The following KDM4D variants were observed in gnomAD, a reference collection of about 807,000 sequenced individuals.
KDM4D encodes lysine-specific demethylase 4D.
For missense variants in KDM4D, 427 were observed against 674.8 expected (o/e 0.63, Z 4.07); for synonymous variants, 254 against 249.1 (o/e 1.02, Z -0.19).
rs1857772393 is a variant in KDM4D at position 94,973,941 on chromosome 11, T to C, written c.-572T>C. The C allele has an allele frequency of 6.6e-6, 1 of 152,256 alleles. No individual in the cohort carries two copies. The highest frequency in any genetic ancestry group is 6.5e-5 in the Admixed American group (1 of 15,292). 9.4% of individuals were successfully genotyped at this position (152,256 alleles called of 1,614,324 possible). On this transcript the variant is annotated 5_prime_UTR_variant, in exon 1 of 3. Coordinates refer to ENST00000335080, the MANE Select transcript of KDM4D (RefSeq NM_018039.3). ...ACTGTTTAAATCCAACGACTCCTGCTTCCATCCTTTCTCCTGAGCTAGAAC... is the reference window on the plus strand; with the variant it reads ...ACTGTTTAAATCCAACGACTCCTGCCTCCATCCTTTCTCCTGAGCTAGAAC...
chr11:94,988,846 G>T (rs1325852562), intron 2 of KDM4D, among the ~76,000 whole-genome samples: 1 of 152,170 alleles, frequency 6.6e-6, no homozygotes, highest in Non-Finnish European at 1.5e-5. Context: ...AAGGAGACTT[G>T]AGATGGGGGG....
At chr11:94,995,023 G>A (rs587738377) in intron 2 of KDM4D, among the ~76,000 whole-genome samples, 2 of 152,126 alleles carry the variant, frequency 1.3e-5, no homozygotes, top group Non-Finnish European at 2.9e-5. Context: ...GAAACATGGG[G>A]TGTAATCAAT....
chr11:94,996,060 T>G (rs1857973382), intron 2 of KDM4D, among the ~76,000 whole-genome samples: 1 of 152,214 alleles, frequency 6.6e-6, no homozygotes, highest in Admixed American at 6.5e-5. Context: ...TCTTTATTCT[T>G]TGTTAGTTCC....
chr11:94,988,574 G>A lies in KDM4D; in HGVS notation c.-349-8450G>A, dbSNP rs186365351. ...CTGGAGAAGGGCAGTGAGAGACAGT[G>A]ACCTTTCAGAGGCAGCAGTAGCTTA... On this transcript the variant is annotated intron_variant, in intron 2 of 2. Coordinates refer to ENST00000335080, the MANE Select transcript of KDM4D (RefSeq NM_018039.3). 2.5e-3 allele frequency among the ~76,000 whole-genome samples: 380 copies of A among 152,320 alleles called. 4 individuals carry two copies. In the South Asian group the frequency reaches 0.03, roughly 12 times the overall value.
chr11:94,976,660 T>C (rs1286979910), intron 2 of KDM4D, among the ~76,000 whole-genome samples: 1 of 152,226 alleles, frequency 6.6e-6, no homozygotes, highest in African/African-American at 2.4e-5. Flanking sequence ...AAAAGGCTCT[T>C]TCATTTTAGT....
chr11:94,992,393 G>T (rs1314226016), intron 2 of KDM4D, among the ~76,000 whole-genome samples: 5 of 151,570 alleles, frequency 3.3e-5, no homozygotes, highest in Non-Finnish European at 5.9e-5. Flanking sequence ...AAAAAAACAG[G>T]CAAAGGATAT....
chr11:94,981,729 G>A (rs901368127), intron 2 of KDM4D, among the ~76,000 whole-genome samples: 5 of 151,348 alleles, frequency 3.3e-5, no homozygotes, highest in Admixed American at 2.6e-4. Flanking sequence ...TTCTATTTTT[G>A]TTCTTCCTCA....
At chr11:94,975,445 T>C (rs1857789675) in intron 1 of KDM4D, among the ~76,000 whole-genome samples, 2 of 152,186 alleles carry the variant, frequency 1.3e-5, no homozygotes, top group Admixed American at 1.3e-4. Flanking sequence ...AGGCAAGTCA[T>C]TTTCCCTTTC....
intron 2 of KDM4D, among the ~76,000 whole-genome samples, chr11:94,991,060 C>T (rs1302592565): frequency 6.6e-6 from 1 of 152,162 alleles, no homozygotes; most frequent in Non-Finnish European, 1.5e-5. Context: ...AAGTAGGGTA[C>T]TTTTAGAAAT....
chr11:94,986,529 G>A (rs587669649), intron 2 of KDM4D, among the ~76,000 whole-genome samples: 2 of 152,220 alleles, frequency 1.3e-5, no homozygotes, highest in East Asian at 1.9e-4. Context: ...CTGGAAGGTC[G>A]AGGCTGCAGT....
At position 94,998,953 on chromosome 11, in the gene KDM4D, G is replaced by A; in HGVS notation, c.*9G>A. On this transcript the variant is annotated 3_prime_UTR_variant, in exon 3 of 3. Transcript: ENST00000335080. The surrounding 1 kb of genome is among the most constrained non-coding windows in gnomAD (Gnocchi z 6.7). ...GGGCCCCTGTGCCCTAAGTCCACGG[G>A]CTGTCTTTATATCCCACTGCCCTGC... 6.6e-7 allele frequency: 1 copy of A among 1,504,966 alleles called. No homozygotes were observed. The highest frequency in any genetic ancestry group is 1.4e-5 in the South Asian group (1 of 71,816). 93.2% of individuals were successfully genotyped at this position (1,504,966 alleles called of 1,614,324 possible). A position where few individuals can be genotyped will look rare whatever the true frequency, so the allele number is the denominator to read the frequency against.
In KDM4D at chr11:94,973,761, C is replaced by T. The variant is rs902829448; in HGVS notation, c.-752C>T. The T allele has an allele frequency of 1.3e-5, 2 of 152,334 alleles. No individual in the cohort carries two copies. Among genetic ancestry groups the T allele is most frequent in the African/African-American group, 2.4e-5 (1 of 41,474 alleles). The allele number at this position is 152,334 out of a possible 1,614,324, so 9.4% of individuals were successfully genotyped here. A position where few individuals can be genotyped will look rare whatever the true frequency, so the allele number is the denominator to read the frequency against. On this transcript the variant is annotated 5_prime_UTR_variant, in exon 1 of 3. Coordinates refer to ENST00000335080, the MANE Select transcript of KDM4D (RefSeq NM_018039.3). Reference sequence around the variant, plus strand: ...GTAGACCCTAAACCTCATTTTATACCTTCAAGAACCAATTACTTAATGTCT... The same window carrying T: ...GTAGACCCTAAACCTCATTTTATACTTTCAAGAACCAATTACTTAATGTCT...
intron 2 of KDM4D, among the ~76,000 whole-genome samples, chr11:94,982,880 C>G (rs1857854055): frequency 6.6e-6 from 1 of 151,862 alleles, no homozygotes; most frequent in South Asian, 2.1e-4. Flanking sequence ...TATAAATATA[C>G]CAGTTAATTG....
Position 94,984,292 on chromosome 11 carries a change from T to G in KDM4D, c.-350+8544T>G, listed in dbSNP as rs139516195. On this transcript the variant is annotated intron_variant, in intron 2 of 2. Coordinates refer to ENST00000335080, the MANE Select transcript of KDM4D (RefSeq NM_018039.3). ...GGCAGATTGCTTGAGCTCAGGAGTT[T>G]GAGACCAGCCTGGGCAACATGGCAA... 1.0e-2 allele frequency among the ~76,000 whole-genome samples: 1,514 copies of G among 151,728 alleles called. 14 individuals carry two copies. Among genetic ancestry groups the G allele is most frequent in the South Asian group, 0.045 (217 of 4,794 alleles).
In KDM4D at chr11:94,997,516, G is replaced by A. The variant is rs1857985237; in HGVS notation, c.144G>A (p.Leu48=). 2 of 1,614,122 alleles carry A rather than the reference G, an allele frequency of 1.2e-6. No individual in the cohort carries two copies. Among genetic ancestry groups the A allele is most frequent in the Middle Eastern group, 1.6e-4 (1 of 6,062 alleles). ...CCCAAGGTGCACACAGAGCTGGCTT[G>A]GCTAAGATAATTCCACCCAAAGAAT... is the stretch of plus-strand genomic sequence containing the variant. ...MESQGAHRAG[L]AKIIPPKEWK... Residue 48 remains leucine (L), a synonymous_variant, in exon 3 of 3, where the codon TTG becomes TTA. Coordinates refer to ENST00000335080, the MANE Select transcript of KDM4D (RefSeq NM_018039.3).
chr11:94,987,863 G>T (rs1555098260), intron 2 of KDM4D, among the ~76,000 whole-genome samples: 2 of 152,104 alleles, frequency 1.3e-5, no homozygotes, highest in Admixed American at 6.6e-5. Flanking sequence ...TTGCCAGAAG[G>T]TTTGGAAAAT....
chr11:94,996,529 T>C (rs1857977104), intron 2 of KDM4D, among the ~76,000 whole-genome samples: 1 of 152,252 alleles, frequency 6.6e-6, no homozygotes, highest in Admixed American at 6.5e-5. Flanking sequence ...GTCTTGATAA[T>C]GTTACTCAAT....
At position 94,998,062 on chromosome 11, in the gene KDM4D, C is replaced by A. The variant is rs782605380; in HGVS notation, c.690C>A (p.Leu230=). 1.2e-6 allele frequency: 2 copies of A among 1,614,090 alleles called. No individual in the cohort carries two copies. Among genetic ancestry groups the A allele is most frequent in the Admixed American group, 3.3e-5 (2 of 60,012 alleles). The part of the protein sequence containing the change: ...GQRLERLARE[L]FPGSSRGCGA... The stretch of plus-strand genomic sequence containing the variant: ...GCCTGGAACGCCTGGCCAGGGAGCT[C>A]TTCCCAGGCAGTTCCCGGGGTTGTG... The change falls in exon 3 of 3, where the codon CTC becomes CTA. Residue 230 remains leucine, a synonymous_variant. Transcript: ENST00000335080. The surrounding 1 kb of genome is among the most constrained non-coding windows in gnomAD (Gnocchi z 6.7).
Position 94,997,834 on chromosome 11 carries a change from T to A in KDM4D, c.462T>A (p.Leu154=), listed in dbSNP as rs1555099429. 1.2e-6 allele frequency: 2 copies of A among 1,614,262 alleles called. No individual in the cohort carries two copies. Among genetic ancestry groups the A allele is most frequent in the Admixed American group, 3.3e-5 (2 of 60,032 alleles). The part of the protein sequence containing the change: ...LFDENTKQWN[L]GHLGTIQDLL... ...ATGAAAACACTAAACAATGGAATCT[T>A]GGGCACCTGGGAACAATTCAGGACC... Residue 154 remains leucine (L), a synonymous_variant, in exon 3 of 3, where the codon CTT becomes CTA. Coordinates refer to ENST00000335080, the MANE Select transcript of KDM4D (RefSeq NM_018039.3).
Sources: gnomAD v4.1 joint callset for allele counts (sites outside exome capture counted in the v4.1 genomes callset) on GRCh38, gnomAD v4.1.1 for gene constraint, Gnocchi (gnomAD v3.1) non-coding constraint, MANE v1.5 for transcripts, NCBI Gene and HGNC (gene_info 2026-07-23, HGNC 2026-07-21) for gene names.